Variants in FSTL4 observed in about 807,000 individuals in gnomAD.
FSTL4 encodes follistatin like 4.
In FSTL4, 28 loss-of-function variants were observed where a neutral mutation model predicts 78.2. That is an observed-to-expected ratio of 0.36 (90% CI 0.27 to 0.49). FSTL4 has a LOEUF of 0.49. Ranked by LOEUF, FSTL4 falls within the 20% of genes least tolerant of loss-of-function variation. The pLI, the probability that FSTL4 is intolerant of heterozygous loss-of-function variation, is 0.98. For synonymous variants in FSTL4, 422 were observed against 440.5 expected, an observed-to-expected ratio of 0.96 and a Z score of 0.53; for missense variants, 922 against 1,084.9, an observed-to-expected ratio of 0.85 and a Z score of 2.11.
At chr5:133,206,894 C>T (rs1391332626) in intron 14 of FSTL4, among the ~76,000 whole-genome samples, 1 of 149,694 alleles carries the variant, frequency 6.7e-6, no homozygotes, top group African/African-American at 2.5e-5. Context: ...CTTGGTACAG[C>T]TTTCTCTGTA....
the FSTL4 span, among the ~76,000 whole-genome samples, chr5:133,781,634 C>A: frequency 2.6e-5 from 4 of 152,162 alleles, no homozygotes; most frequent in African/African-American, 9.7e-5. Context: ...CTGAGGGGAA[C>A]CCTCCGAACT....
chr5:133,326,547 C>T (rs1432203677), intron 4 of FSTL4, among the ~76,000 whole-genome samples: 2 of 152,202 alleles, frequency 1.3e-5, no homozygotes, highest in Non-Finnish European at 2.9e-5. Flanking sequence ...GAAGGCCCTC[C>T]CAGTGGTCCC....
chr5:133,674,119 G>A, the FSTL4 span, among the ~76,000 whole-genome samples: 2 of 152,074 alleles, frequency 1.3e-5, no homozygotes, highest in Non-Finnish European at 2.9e-5. Context: ...AGGTCACTAC[G>A]TTGTGAGAGG....
intron 3 of FSTL4, among the ~76,000 whole-genome samples, chr5:133,468,803 C>G (rs768139490): frequency 5.9e-5 from 9 of 152,162 alleles, no homozygotes; most frequent in Admixed American, 4.6e-4. Context: ...CCAGGACTTT[C>G]CAGCTCAGTG....
At chr5:133,837,760 A>T in the FSTL4 span, among the ~76,000 whole-genome samples, 1 of 152,198 alleles carries the variant, frequency 6.6e-6, no homozygotes, top group Non-Finnish European at 1.5e-5. Flanking sequence ...TATGATCAAC[A>T]TCTCAGGCAT....
the FSTL4 span, among the ~76,000 whole-genome samples, chr5:133,639,379 G>C: frequency 6.6e-6 from 1 of 152,158 alleles, no homozygotes; most frequent in Non-Finnish European, 1.5e-5. Flanking sequence ...TTCAGAAAAG[G>C]GGGGTCTGTG....
the FSTL4 span, among the ~76,000 whole-genome samples, chr5:133,637,733 C>T: frequency 4.6e-5 from 7 of 152,116 alleles, no homozygotes; most frequent in South Asian, 1.5e-3. Flanking sequence ...TCTTCCTCTT[C>T]ATGGGTTTTG....
At chr5:133,430,311 G>A (rs1223728435) in intron 3 of FSTL4, among the ~76,000 whole-genome samples, 4 of 152,210 alleles carry the variant, frequency 2.6e-5, no homozygotes, top group Non-Finnish European at 5.9e-5. Context: ...GAGTGGCCCT[G>A]TGGGGTAGGT....
intron 4 of FSTL4, among the ~76,000 whole-genome samples, chr5:133,351,058 T>C (rs983367671): frequency 6.6e-6 from 1 of 152,204 alleles, no homozygotes; most frequent in African/African-American, 2.4e-5. Context: ...TATCTGCATA[T>C]GTAAATTTTT....
At chr5:133,238,870 G>A (rs527439318) in intron 7 of FSTL4, among the ~76,000 whole-genome samples, 2 of 152,322 alleles carry the variant, frequency 1.3e-5, no homozygotes, top group South Asian at 2.1e-4. Flanking sequence ...AGCCTCCTCG[G>A]CCTTGGTTCC....
the FSTL4 span, among the ~76,000 whole-genome samples, chr5:133,721,625 G>C: frequency 6.6e-6 from 1 of 152,106 alleles, no homozygotes; most frequent in Non-Finnish European, 1.5e-5. Flanking sequence ...GGCCTGTAAG[G>C]TTTCTGCTAA....
the FSTL4 span, among the ~76,000 whole-genome samples, chr5:133,769,516 A>G: frequency 2.6e-5 from 4 of 152,092 alleles, no homozygotes; most frequent in Non-Finnish European, 4.4e-5. Context: ...CCCCTGCCCC[A>G]CGTCCCATAA....
At chr5:133,314,982 T>C (rs1001134551) in intron 5 of FSTL4, among the ~76,000 whole-genome samples, 2 of 152,026 alleles carry the variant, frequency 1.3e-5, no homozygotes, top group Non-Finnish European at 2.9e-5. Context: ...GGCAAAATGG[T>C]GAAACCATAT....
chr5:133,582,362 G>T (rs1466663416), intron 2 of FSTL4, among the ~76,000 whole-genome samples: 1 of 152,202 alleles, frequency 6.6e-6, no homozygotes, highest in African/African-American at 2.4e-5. Context: ...GCAAAATGAG[G>T]TAGGGTAGTG....
the FSTL4 span, among the ~76,000 whole-genome samples, chr5:133,826,215 G>A: frequency 6.6e-6 from 1 of 152,336 alleles, no homozygotes; most frequent in East Asian, 1.9e-4. Context: ...GATTCAGATG[G>A]CGCCACATGG....
At chr5:133,435,547 A>G (rs1757018335) in intron 3 of FSTL4, among the ~76,000 whole-genome samples, 1 of 152,230 alleles carries the variant, frequency 6.6e-6, no homozygotes, top group African/African-American at 2.4e-5. Flanking sequence ...CATCCACCTT[A>G]TTAAAACAAA....
At chr5:133,252,505 C>T (rs549488876) in intron 6 of FSTL4, among the ~76,000 whole-genome samples, 8 of 152,220 alleles carry the variant, frequency 5.3e-5, no homozygotes, top group African/African-American at 1.4e-4. Context: ...GCTGGGTGGA[C>T]ATCCAGATTT....
the FSTL4 span, among the ~76,000 whole-genome samples, chr5:133,804,167 G>A: frequency 6.6e-6 from 1 of 152,104 alleles, no homozygotes; most frequent in Non-Finnish European, 1.5e-5. Context: ...GCCTGGAAAG[G>A]TTCCTGTTCT....
chr5:133,597,925 A>G (rs762185770), intron 2 of FSTL4, among the ~76,000 whole-genome samples: 1 of 152,130 alleles, frequency 6.6e-6, no homozygotes, highest in Non-Finnish European at 1.5e-5. Flanking sequence ...AGCATTTAAA[A>G]TCACCTCTTT....
Sources: gnomAD v4.1 joint callset for allele counts (sites outside exome capture counted in the v4.1 genomes callset) on GRCh38, gnomAD v4.1.1 for gene constraint, MANE v1.5 for transcripts, NCBI Gene and HGNC (gene_info 2026-07-23, HGNC 2026-07-21) for gene names.